NKAIN3: variants seen among roughly 807,000 people sequenced by gnomAD.
NKAIN3 encodes the protein sodium/potassium-transporting ATPase subunit beta-1-interacting protein 3.
Under a neutral mutation model 30.2 loss-of-function variants are expected in NKAIN3, and 25 were observed. The ratio of observed to expected loss-of-function variants is 0.83; its 90% CI spans 0.60 to 1.16. The LOEUF (loss-of-function observed/expected upper bound fraction) is 1.16, where lower values mean the gene tolerates loss of function less well. NKAIN3 is among the 50% of genes most tolerant of loss of function. The pLI is 0.00. For synonymous variants in NKAIN3, 91 were observed against 89.6 expected (o/e 1.02, Z -0.09); for missense variants, 225 against 254.1 (o/e 0.89, Z 0.78).
chr8:62,817,327 A>G (rs184209390), intron 4 of NKAIN3, among the ~76,000 whole-genome samples: 31 of 152,188 alleles, frequency 2.0e-4, no homozygotes, highest in African/African-American at 7.5e-4. Context: ...GATTTTGTTG[A>G]CTTTCTTACT....
At chr8:62,323,978 C>G (rs142113304) in intron 1 of NKAIN3, among the ~76,000 whole-genome samples, 1 of 151,784 alleles carries the variant, frequency 6.6e-6, no homozygotes, top group Admixed American at 6.6e-5. Flanking sequence ...GAGGGAAGGA[C>G]GAATAGCTGA....
chr8:62,677,165 G>A (rs76792111), intron 3 of NKAIN3, among the ~76,000 whole-genome samples: 4,048 of 152,242 alleles, frequency 0.027, 194 homozygotes, highest in African/African-American at 0.093. Context: ...ACTGAGGTGC[G>A]TTCTCAGAAA....
chr8:62,568,031 T>C (rs1809812344), intron 1 of NKAIN3, among the ~76,000 whole-genome samples: 1 of 152,190 alleles, frequency 6.6e-6, no homozygotes, highest in Admixed American at 6.6e-5. Flanking sequence ...ATAGCACAGC[T>C]AATAAGTTTC....
At chr8:62,640,454 T>A in intron 3 of NKAIN3, among the ~76,000 whole-genome samples, 1 of 152,088 alleles carries the variant, frequency 6.6e-6, no homozygotes. Context: ...GAACTCTGAG[T>A]CAATTAAACC....
chr8:62,925,685 C>G (rs1046052591), intron 5 of NKAIN3, among the ~76,000 whole-genome samples: 3 of 152,086 alleles, frequency 2.0e-5, no homozygotes, highest in Admixed American at 2.0e-4. Context: ...TTTGGGGATC[C>G]GCAAGTCACT....
At chr8:62,997,652 A>T (rs964379020) in intron 5 of NKAIN3, among the ~76,000 whole-genome samples, 28 of 152,208 alleles carry the variant, frequency 1.8e-4, no homozygotes, top group African/African-American at 6.3e-4. Flanking sequence ...AGGGATTGAC[A>T]TGCTTTCATT....
chr8:62,373,751 T>C (rs1816980829), intron 1 of NKAIN3, among the ~76,000 whole-genome samples: 1 of 152,214 alleles, frequency 6.6e-6, no homozygotes, highest in Non-Finnish European at 1.5e-5. Context: ...AAATGTACTT[T>C]ATTATCACAA....
chr8:62,987,176 C>T (rs543528465), downstream of NKAIN3, among the ~76,000 whole-genome samples: 1 of 152,140 alleles, frequency 6.6e-6, no homozygotes. Context: ...CGCTTGAGTT[C>T]AGGAGTTTAA....
In NKAIN3 at chr8:62,980,969, C is replaced by A. The variant is rs1401193779; in HGVS notation, c.*15562C>A. ...ACCCAGAAGTCAAAATCACCTGGCC[C>A]TCTGTAAATTTCTCTTTGTGTTCCT... is the stretch of plus-strand genomic sequence containing the variant. On this transcript the variant is annotated 3_prime_UTR_variant, in exon 7 of 7. Coordinates refer to ENST00000623646, the MANE Select transcript of NKAIN3 (RefSeq NM_001304533.3). 6.6e-6 allele frequency: 1 copy of A among 152,164 alleles called. No individual in the cohort carries two copies. Among genetic ancestry groups the A allele is most frequent in the Non-Finnish European group, 1.5e-5 (1 of 68,026 alleles). The allele number at this position is 152,164 out of a possible 1,614,324, so 9.4% of individuals were successfully genotyped here.
chr8:62,760,838 A>AAATAGTTTAATTTTAATTTAAGG (rs1816634685), intron 4 of NKAIN3, among the ~76,000 whole-genome samples: 1 of 152,136 alleles, frequency 6.6e-6, no homozygotes, highest in Non-Finnish European at 1.5e-5. Context: ...CATAATTAAA[A>AAATAGTTTAATTTTAATTTAAGG]AATAGTTTAA....
intron 3 of NKAIN3, among the ~76,000 whole-genome samples, chr8:62,704,141 C>T (rs999237222): frequency 6.6e-6 from 1 of 152,134 alleles, no homozygotes; most frequent in African/African-American, 2.4e-5. Context: ...CCCATCTTCC[C>T]TGGTTGAATG....
At chr8:62,535,986 G>A (rs1268117901) in intron 1 of NKAIN3, among the ~76,000 whole-genome samples, 3 of 152,136 alleles carry the variant, frequency 2.0e-5, no homozygotes, top group Non-Finnish European at 4.4e-5. Context: ...TGGGAGTTAT[G>A]AGCCAGGAAC....
intron 1 of NKAIN3, among the ~76,000 whole-genome samples, chr8:62,493,214 AG>A (rs1248015089): frequency 3.9e-5 from 6 of 151,982 alleles, no homozygotes; most frequent in Non-Finnish European, 7.4e-5. Flanking sequence ...ACCTTGAGGA[AG>A]GGGTTCAATT....
At chr8:62,275,392 G>A (rs1352000181) in intron 1 of NKAIN3, among the ~76,000 whole-genome samples, 1 of 152,122 alleles carries the variant, frequency 6.6e-6, no homozygotes, top group African/African-American at 2.4e-5. Flanking sequence ...TCCTTTTAAG[G>A]TATTTGTTAT....
chr8:62,586,839 A>G (rs764283875), intron 2 of NKAIN3, among the ~76,000 whole-genome samples: 1 of 151,980 alleles, frequency 6.6e-6, no homozygotes, highest in African/African-American at 2.4e-5. Flanking sequence ...GTGGATCTGG[A>G]TTTAAAATAT....
chr8:62,916,973 C>T (rs1426340582), intron 4 of NKAIN3, among the ~76,000 whole-genome samples: 3 of 151,976 alleles, frequency 2.0e-5, no homozygotes, highest in East Asian at 3.9e-4. Context: ...ACCTGTTTCT[C>T]GGATGATCAG....
chr8:62,286,318 T>G (rs1227449671), intron 1 of NKAIN3, among the ~76,000 whole-genome samples: 1 of 152,162 alleles, frequency 6.6e-6, no homozygotes, highest in East Asian at 1.9e-4. Context: ...AGGCTATACA[T>G]AAAGACGTGG....
At chr8:62,837,294 A>G in intron 4 of NKAIN3, among the ~76,000 whole-genome samples, 1 of 152,118 alleles carries the variant, frequency 6.6e-6, no homozygotes, top group Non-Finnish European at 1.5e-5. Context: ...GCATTCCTTC[A>G]TGATTCTTTT....
intron 1 of NKAIN3, among the ~76,000 whole-genome samples, chr8:62,451,134 G>T (rs1805625365): frequency 6.6e-6 from 1 of 152,036 alleles, no homozygotes; most frequent in African/African-American, 2.4e-5. Flanking sequence ...CCATGACTAT[G>T]GTTATAGTAA....
Sources: gnomAD v4.1 joint callset for allele counts (sites outside exome capture counted in the v4.1 genomes callset) on GRCh38, gnomAD v4.1.1 for gene constraint, MANE v1.5 for transcripts, NCBI Gene and HGNC (gene_info 2026-07-23, HGNC 2026-07-21) for gene names.